The following KIAA1217 variants were observed in gnomAD, a reference collection of about 807,000 sequenced individuals.
The protein encoded by KIAA1217 is KIAA1217.
KIAA1217 carries 88 observed loss-of-function variants against 163.9 expected under a neutral mutation model. The ratio of observed to expected loss-of-function variants is 0.54; its 90% CI spans 0.45 to 0.64. The LOEUF (loss-of-function observed/expected upper bound fraction) is 0.64. KIAA1217 is among the 30% of genes least tolerant of loss of function. KIAA1217 has a pLI of 0.00. For synonymous variants in KIAA1217, 903 were observed against 923.1 expected, an observed-to-expected ratio of 0.98 and a Z score of 0.39; for missense variants, 2,372 against 2,475.0, an observed-to-expected ratio of 0.96 and a Z score of 0.88.
chr10:23,900,008 CT>C (rs978207919), intron 1 of KIAA1217, among the ~76,000 whole-genome samples: 21 of 143,966 alleles, frequency 1.5e-4, no homozygotes, highest in South Asian at 4.5e-4. Context: ...TTCTTTTTTC[CT>C]TTTTTTTTCT....
In KIAA1217 at chr10:24,072,349, G is replaced by T. The variant is rs544715034; in HGVS notation, c.-171+64975G>T. On this transcript the variant is annotated intron_variant, in intron 2 of 18. Coordinates refer to the KIAA1217 transcript ENST00000376462. Reference sequence around the variant, plus strand: ...CATCTATTCTATTTTAATAATAAAAGCCAAGTTCCAGAGGACAGATAACTA... The same window carrying T: ...CATCTATTCTATTTTAATAATAAAATCCAAGTTCCAGAGGACAGATAACTA... Among the ~76,000 whole-genome samples, 13 of 152,238 alleles carry T rather than the reference G, an allele frequency of 8.5e-5. No homozygotes were observed. In the South Asian group the frequency reaches 2.1e-3, roughly 24 times the overall value.
upstream of KIAA1217, chr10:24,208,808 C>T (rs115914593): frequency 0.011 from 2,019 of 179,506 alleles, 43 homozygotes; most frequent in African/African-American, 0.045. Flanking sequence ...CGGTGGTTTG[C>T]AGCAGTGGAA....
intron 2 of KIAA1217, among the ~76,000 whole-genome samples, chr10:24,362,733 G>A (rs901832375): frequency 1.3e-5 from 2 of 152,166 alleles, no homozygotes; most frequent in African/African-American, 4.8e-5. Context: ...GGGCGCGGTG[G>A]CTCACGCCTA....
chr10:24,444,006 C>G (rs566554594), intron 5 of KIAA1217, among the ~76,000 whole-genome samples: 7 of 149,584 alleles, frequency 4.7e-5, no homozygotes, highest in African/African-American at 1.8e-4. Context: ...TGTTTGTTTT[C>G]TTTTCTTTTC....
intron 1 of KIAA1217, among the ~76,000 whole-genome samples, chr10:23,970,139 C>A (rs1322140334): frequency 6.6e-6 from 1 of 152,118 alleles, no homozygotes. Context: ...ACAGCCAAAC[C>A]ATATCACCAA....
Position 24,543,956 on chromosome 10 carries a change from C to T in KIAA1217, c.4686C>T (p.Thr1562=), listed in dbSNP as rs3748218. The change falls in exon 19 of 21, where the codon ACC becomes ACT. Residue 1562 remains threonine (T), a synonymous_variant. Transcript: ENST00000376454. Reference sequence around the variant, plus strand: ...CGGAATGCAAGGGTGAGGACGCGACCGATGACCAGTTTGAAAGCCCCAAGA... The same window carrying T: ...CGGAATGCAAGGGTGAGGACGCGACTGATGACCAGTTTGAAAGCCCCAAGA... ...PNSECKGEDA[T]DDQFESPKKK... is the part of the protein sequence containing the mutation. The T allele has an allele frequency of 0.17, 276,022 of 1,613,730 alleles. 26,974 individuals are homozygous for T. The highest frequency in any genetic ancestry group is 0.39 in the East Asian group (17,606 of 44,828).
intron 1 of KIAA1217, among the ~76,000 whole-genome samples, chr10:24,213,318 G>T (rs1041368080): frequency 2.6e-5 from 4 of 152,172 alleles, no homozygotes; most frequent in Non-Finnish European, 5.9e-5. Flanking sequence ...GTCCACAGCA[G>T]TCCTGACGTG....
chr10:23,818,412 A>G (rs1446851520), intron 1 of KIAA1217, among the ~76,000 whole-genome samples: 2 of 148,818 alleles, frequency 1.3e-5, no homozygotes, highest in Admixed American at 1.4e-4. Context: ...GGAAGGGCTA[A>G]AAGGGACTAA....
chr10:24,258,516 C>T lies in KIAA1217; in HGVS notation c.354+38607C>T, dbSNP rs57493804. Among the ~76,000 whole-genome samples, 521 of 152,034 alleles carry T rather than the reference C, an allele frequency of 3.4e-3. 3 individuals carry two copies. Among genetic ancestry groups the T allele is most frequent in the African/African-American group, 0.012 (501 of 41,440 alleles). On this transcript the variant is annotated intron_variant, in intron 2 of 20. Transcript: ENST00000376454. ...ACCTAAGCCTTACTACTAGCCTAAGCCTTCATACTAGAGCAAAACCGTGGG... is the reference window on the plus strand; with the variant it reads ...ACCTAAGCCTTACTACTAGCCTAAGTCTTCATACTAGAGCAAAACCGTGGG...
In KIAA1217 at chr10:23,873,295, C is replaced by G. The variant is rs1840545351; in HGVS notation, c.-320-133930C>G. 2.0e-5 allele frequency among the ~76,000 whole-genome samples: 3 copies of G among 151,932 alleles called. No homozygotes were observed. In the South Asian group the frequency reaches 6.2e-4, roughly 32 times the overall value. On this transcript the variant is annotated intron_variant, in intron 1 of 18. Coordinates refer to the KIAA1217 transcript ENST00000376462. ...CAAAATCAAATTATGTTTGGTATAT[C>G]CTTTAAAAAGGATATTATCATTAAT... is the stretch of plus-strand genomic sequence containing the variant.
chr10:24,436,818 G>A (rs973427810), intron 4 of KIAA1217, among the ~76,000 whole-genome samples: 1 of 149,900 alleles, frequency 6.7e-6, no homozygotes, highest in African/African-American at 2.5e-5. Flanking sequence ...ATTTCAACTG[G>A]AGACAGTGAC....
intron 2 of KIAA1217, among the ~76,000 whole-genome samples, chr10:24,340,211 C>T (rs1022584046): frequency 6.6e-6 from 1 of 152,158 alleles, no homozygotes; most frequent in Non-Finnish European, 1.5e-5. Flanking sequence ...TATGGCTTGG[C>T]CGTGTCCCCA....
chr10:24,171,299 T>C (rs1187764206), intron 2 of KIAA1217, among the ~76,000 whole-genome samples: 6 of 152,190 alleles, frequency 3.9e-5, no homozygotes, highest in Non-Finnish European at 8.8e-5. Context: ...ACAGGAAACA[T>C]TTTTATTGAA....
At chr10:23,908,144 A>C (rs769985485) in intron 1 of KIAA1217, among the ~76,000 whole-genome samples, 95 of 152,114 alleles carry the variant, frequency 6.2e-4, no homozygotes, top group Non-Finnish European at 1.2e-3. Context: ...AGGCAAGTGT[A>C]ATTACAAGAG....
intron 2 of KIAA1217, among the ~76,000 whole-genome samples, chr10:24,231,673 TA>T (rs2071432523): frequency 6.6e-6 from 1 of 150,624 alleles, no homozygotes; most frequent in South Asian, 2.1e-4. Context: ...AAAACAAAAG[TA>T]AAAAAGAAAA....
At position 23,750,603 on chromosome 10, in the gene KIAA1217, A is replaced by G. The variant is rs543448670; in HGVS notation, c.-321+55369A>G. On this transcript the variant is annotated intron_variant, in intron 1 of 18. Transcript: ENST00000376462. Reference sequence around the variant, plus strand: ...GCCCCTTTACGCCTCTGTCTCCATCACTAGACAGAATGAATGCCTTTGACG... The same window carrying G: ...GCCCCTTTACGCCTCTGTCTCCATCGCTAGACAGAATGAATGCCTTTGACG... Among the ~76,000 whole-genome samples the G allele has an allele frequency of 1.4e-4, 22 of 152,208 alleles. No individual in the cohort carries two copies. The South Asian group carries it at 4.6e-3, about 32-fold the overall frequency.
intron 1 of KIAA1217, among the ~76,000 whole-genome samples, chr10:23,882,615 A>G (rs577951603): frequency 6.6e-6 from 1 of 151,938 alleles, no homozygotes; most frequent in Non-Finnish European, 1.5e-5. Flanking sequence ...TAGGAAACAA[A>G]TCACCACAAT....
intron 2 of KIAA1217, among the ~76,000 whole-genome samples, chr10:24,029,111 A>C (rs1018309298): frequency 7.2e-5 from 11 of 152,166 alleles, no homozygotes; most frequent in African/African-American, 7.2e-5. Flanking sequence ...CCATAAGTGG[A>C]TAAATTTTTT....
At chr10:23,989,404 T>C (rs1846120019) in intron 1 of KIAA1217, among the ~76,000 whole-genome samples, 1 of 152,168 alleles carries the variant, frequency 6.6e-6, no homozygotes, top group South Asian at 2.1e-4. Flanking sequence ...AAGAAGTGGA[T>C]AGTCATGGAG....
Sources: gnomAD v4.1 joint callset for allele counts (sites outside exome capture counted in the v4.1 genomes callset) on GRCh38, gnomAD v4.1.1 for gene constraint, MANE v1.5 for transcripts, NCBI Gene and HGNC (gene_info 2026-07-23, HGNC 2026-07-21) for gene names.